Variants in RNF220 observed in about 807,000 individuals in gnomAD.
RNF220 encodes ring finger protein 220.
Under a neutral mutation model 67.1 loss-of-function variants are expected in RNF220, and 7 were observed. The observed-to-expected ratio is 0.10, with a 90% CI of 0.06 to 0.20. RNF220 has a LOEUF of 0.20. RNF220 is among the 10% of genes least tolerant of loss of function. The pLI, the probability that RNF220 is intolerant of heterozygous loss-of-function variation, is 1.00. For missense variants in RNF220, 565 were observed against 740.3 expected (o/e 0.76, Z 2.75); for synonymous variants, 270 against 283.2 (o/e 0.95, Z 0.47).
intron 2 of RNF220, chr1:44,573,146 A>T (rs2148324145): frequency 6.4e-6 from 1 of 155,768 alleles, no homozygotes; most frequent in Non-Finnish European, 1.4e-5. Flanking sequence ...GCTATTATTA[A>T]TTGAATGCCT....
At chr1:44,531,145 G>A (rs138825920) in intron 2 of RNF220, among the ~76,000 whole-genome samples, 31 of 152,278 alleles carry the variant, frequency 2.0e-4, no homozygotes, top group African/African-American at 7.5e-4. Flanking sequence ...TTAAAACACA[G>A]GTGTGACTGG....
chr1:44,591,206 G>A (rs1271870402), intron 2 of RNF220, among the ~76,000 whole-genome samples: 2 of 152,104 alleles, frequency 1.3e-5, no homozygotes, highest in African/African-American at 4.8e-5. Flanking sequence ...GTCCACCTCC[G>A]CCTCCCAAAA....
intron 2 of RNF220, among the ~76,000 whole-genome samples, chr1:44,544,411 A>C (rs1661948443): frequency 6.6e-6 from 1 of 152,172 alleles, no homozygotes. Context: ...CAGTTTCCTT[A>C]TAGGTAAAAT....
At chr1:44,525,625 T>G (rs1355145996) in intron 2 of RNF220, among the ~76,000 whole-genome samples, 1 of 152,154 alleles carries the variant, frequency 6.6e-6, no homozygotes, top group Non-Finnish European at 1.5e-5. Flanking sequence ...TCCTCTCTAC[T>G]TACTTGTCAC....
intron 2 of RNF220, among the ~76,000 whole-genome samples, chr1:44,481,178 G>A (rs1020189979): frequency 2.0e-5 from 3 of 152,076 alleles, no homozygotes; most frequent in Non-Finnish European, 2.9e-5. Flanking sequence ...ATCCCAGCAC[G>A]TTGAGAGGCT....
At chr1:44,502,197 C>A (rs1388293188) in intron 2 of RNF220, among the ~76,000 whole-genome samples, 1 of 152,086 alleles carries the variant, frequency 6.6e-6, no homozygotes, top group Non-Finnish European at 1.5e-5. Flanking sequence ...CACGCTCACA[C>A]ACACACATAC....
intron 7 of RNF220, 162 bp downstream of exon 7, chr1:44,635,750 C>G: frequency 6.8e-7 from 1 of 1,467,330 alleles, no homozygotes; most frequent in Non-Finnish European, 9.1e-7. Flanking sequence ...TCTGTGGGCT[C>G]TTGGGGTCTC....
At chr1:44,505,854 C>T (rs1020731712) in intron 2 of RNF220, among the ~76,000 whole-genome samples, 1 of 152,046 alleles carries the variant, frequency 6.6e-6, no homozygotes, top group South Asian at 2.1e-4. Flanking sequence ...CCTCTTTCTT[C>T]GTTTCTCCCT....
intron 8 of RNF220, 40 bp downstream of exon 8, chr1:44,636,202 C>T (rs1644323506): frequency 1.3e-6 from 2 of 1,572,718 alleles, no homozygotes; most frequent in East Asian, 4.5e-5. Flanking sequence ...ACTCTGGTGC[C>T]AGGCCTCTGC....
chr1:44,498,441 G>A (rs1268185731), intron 2 of RNF220, among the ~76,000 whole-genome samples: 2 of 152,058 alleles, frequency 1.3e-5, no homozygotes, highest in African/African-American at 4.8e-5. Context: ...TTATCTAGTG[G>A]TGCTCAACCT....
At chr1:44,411,933 C>T in intron 1 of RNF220, 48 bp from the exon 2 acceptor site, 4 of 732,688 alleles carry the variant, frequency 5.5e-6, no homozygotes, top group Non-Finnish European at 8.7e-6. Flanking sequence ...TTTTTTCCTC[C>T]CCCTGACTTT....
chr1:44,474,592 C>T (rs1228813638), intron 2 of RNF220, among the ~76,000 whole-genome samples: 1 of 151,258 alleles, frequency 6.6e-6, no homozygotes, highest in Non-Finnish European at 1.5e-5. Context: ...ACCTGTAGTC[C>T]CAGCTACTTG....
intron 2 of RNF220, among the ~76,000 whole-genome samples, chr1:44,543,228 C>G (rs951654701): frequency 3.9e-5 from 6 of 152,152 alleles, no homozygotes; most frequent in Non-Finnish European, 8.8e-5. Flanking sequence ...CCGGCTACCC[C>G]CTCCCCCTTC....
At chr1:44,546,219 C>T (rs571576730) in intron 2 of RNF220, among the ~76,000 whole-genome samples, 18 of 152,250 alleles carry the variant, frequency 1.2e-4, no homozygotes, top group African/African-American at 3.9e-4. Flanking sequence ...CTGGTTCTTC[C>T]GGCCACCCAG....
chr1:44,645,439 A>T lies in RNF220; in HGVS notation c.1396A>T (p.Ser466Cys). Residue 466 changes from serine (S) to cysteine (C), a missense_variant, in exon 12 of 15, where the codon AGC becomes TGC. By Grantham distance (112) the Ser-to-Cys change is moderately radical. Coordinates refer to ENST00000361799, the MANE Select transcript of RNF220 (RefSeq NM_018150.4). This position sits in a 1 kb window ranked among gnomAD's most constrained non-coding sequence, Gnocchi z 5.0. Reference sequence around the variant, plus strand: ...GCCATCCACCAGCAATGGTGAAAGCAGCAAGCAGGAGGCCATGCAGAAGAC... The same window carrying T: ...GCCATCCACCAGCAATGGTGAAAGCTGCAAGCAGGAGGCCATGCAGAAGAC... The part of the protein sequence containing the change: ...EMPSTSNGES[S>C]KQEAMQKTCK... The T allele has an allele frequency of 6.2e-7, 1 of 1,614,112 alleles. No homozygotes were observed. The highest frequency in any genetic ancestry group is 8.5e-7 in the Non-Finnish European group (1 of 1,180,028).
At chr1:44,535,717 G>T (rs561719204) in intron 2 of RNF220, among the ~76,000 whole-genome samples, 20 of 152,184 alleles carry the variant, frequency 1.3e-4, no homozygotes, top group Non-Finnish European at 2.6e-4. Flanking sequence ...ATCCTTCTGC[G>T]CAGCTCCTGG....
At chr1:44,419,530 T>C (rs1648978754) in intron 2 of RNF220, 1 of 152,226 alleles carries the variant, frequency 6.6e-6, no homozygotes, top group Non-Finnish European at 1.5e-5. Flanking sequence ...TTAAAAAAAT[T>C]ATTATTTTTT....
intron 2 of RNF220, among the ~76,000 whole-genome samples, chr1:44,595,996 C>T (rs1400274379): frequency 6.6e-6 from 1 of 152,134 alleles, no homozygotes; most frequent in Admixed American, 6.5e-5. Context: ...GATCTCCTGA[C>T]CTCATGATCC....
chr1:44,453,497 C>G (rs1297773543), intron 2 of RNF220, among the ~76,000 whole-genome samples: 1 of 151,734 alleles, frequency 6.6e-6, no homozygotes, highest in Non-Finnish European at 1.5e-5. Context: ...TCCTGCTTGC[C>G]TCTTAAAATC....
Sources: allele counts gnomAD v4.1 joint callset (sites outside exome capture counted in the v4.1 genomes callset), GRCh38; gene constraint gnomAD v4.1.1; non-coding constraint Gnocchi (gnomAD v3.1); transcripts MANE v1.5; gene names NCBI Gene and HGNC (gene_info 2026-07-23, HGNC 2026-07-21).